Variants in PLCH2 observed in about 807,000 individuals in gnomAD.
The protein encoded by PLCH2 is phospholipase C eta 2, also known as 1-phosphatidylinositol 4,5-bisphosphate phosphodiesterase eta-2.
Under a neutral mutation model 134.7 loss-of-function variants are expected in PLCH2, and 98 were observed. The ratio of observed to expected loss-of-function variants is 0.73; its 90% CI spans 0.62 to 0.86. The LOEUF is 0.86. Among genes scored for constraint, PLCH2 ranks in the 40% least tolerant of loss-of-function variants. PLCH2 has a pLI of 0.00. For synonymous variants in PLCH2, 974 were observed against 827.5 expected, an observed-to-expected ratio of 1.18 and a Z score of -3.04; for missense variants, 1,994 against 1,986.6, an observed-to-expected ratio of 1.00 and a Z score of -0.07.
At chr1:2,438,059 T>C (rs4592207) in intron 2 of PLCH2, among the ~76,000 whole-genome samples, 64,514 of 152,128 alleles carry the variant, frequency 0.42, 14,399 homozygotes, top group East Asian at 0.75. Flanking sequence ...TCTTGGCAAC[T>C]TGGTTGTGTG....
intron 21 of PLCH2, chr1:2,503,529 TA>T (rs1298003290): frequency 2.9e-6 from 2 of 681,708 alleles, no homozygotes. Flanking sequence ...GGGAGGGACA[TA>T]CACGGAGCCC....
chr1:2,447,491 G>A (rs1350117580), intron 2 of PLCH2, among the ~76,000 whole-genome samples: 8 of 152,218 alleles, frequency 5.3e-5, no homozygotes, highest in Admixed American at 5.2e-4. Flanking sequence ...CATGCATAGT[G>A]GGTGGAGATT....
chr1:2,504,759 C>G lies in PLCH2; in HGVS notation c.3797C>G (p.Ala1266Gly), dbSNP rs765249318. 6.2e-7 allele frequency: 1 copy of G among 1,612,444 alleles called. No individual in the cohort carries two copies. The highest frequency in any genetic ancestry group is 8.5e-7 in the Non-Finnish European group (1 of 1,179,778). ...GGCGACCTCACTGCTGATGACTTTGCCCCTAGCTTTGAGGGCGGCTCCCGC... is the reference window on the plus strand; with the variant it reads ...GGCGACCTCACTGCTGATGACTTTGGCCCTAGCTTTGAGGGCGGCTCCCGC... ...SLGDLTADDF[A>G]PSFEGGSRRL... The change falls in exon 22 of 22, where the codon GCC becomes GGC. Residue 1266 changes from alanine (A) to glycine (G), a missense_variant. Around this residue, in one of 2 missense-constraint regions of PLCH2, gnomAD observed 900 missense variants for 752.3 expected, o/e 1.20. Coordinates refer to ENST00000378486, the MANE Select transcript of PLCH2 (RefSeq NM_014638.4).
At position 2,459,464 on chromosome 1, in the gene PLCH2, T is replaced by TCC. The variant is rs1557969678; in HGVS notation, c.116-19012_116-19011insCC. Among the ~76,000 whole-genome samples, 5 of 61,724 alleles carry TCC rather than the reference T, an allele frequency of 8.1e-5. 1 individual carries two copies. The highest frequency in any genetic ancestry group is 8.9e-4 in the South Asian group (1 of 1,126). The allele number at this position is 61,724 out of a possible 152,430, so 40.5% of individuals were successfully genotyped here. A position where few individuals can be genotyped will look rare whatever the true frequency, so the allele number is the denominator to read the frequency against. Reference sequence around the variant, plus strand: ...TGCCGGTGGTCCTCCTTCCTGGTGGTTCTCCTTCCTGGTGGTCCTCCTTCC... The same window carrying TCC: ...TGCCGGTGGTCCTCCTTCCTGGTGGTCCTCTCCTTCCTGGTGGTCCTCCTTCC... On this transcript the variant is annotated intron_variant, in intron 2 of 3. Transcript: ENST00000609981.
At chr1:2,455,712 G>C (rs571710656) in intron 2 of PLCH2, among the ~76,000 whole-genome samples, 2 of 152,300 alleles carry the variant, frequency 1.3e-5, no homozygotes, top group South Asian at 4.1e-4. Flanking sequence ...ATGGAGGCGG[G>C]AGGCTCCCAG....
At position 2,499,623 on chromosome 1, in the gene PLCH2, T is replaced by C. The variant is rs373626133; in HGVS notation, c.2582-18T>C. ...GGAGGCTGTGACCTCATGACCCTGCTGACCCACACTGCTCCAGGCTACAGA... is the reference window on the plus strand; with the variant it reads ...GGAGGCTGTGACCTCATGACCCTGCCGACCCACACTGCTCCAGGCTACAGA... On this transcript the variant is annotated intron_variant, in intron 19 of 21. Transcript: ENST00000378486. 84 of 1,584,252 alleles carry C rather than the reference T, an allele frequency of 5.3e-5. No homozygotes were observed. The highest frequency in any genetic ancestry group is 6.8e-5 in the Non-Finnish European group (79 of 1,163,598).
At chr1:2,445,663 T>G (rs1639907933) in intron 2 of PLCH2, among the ~76,000 whole-genome samples, 1 of 151,780 alleles carries the variant, frequency 6.6e-6, no homozygotes, top group Non-Finnish European at 1.5e-5. Context: ...GAGGAGCTGG[T>G]GGGCAGGAGA....
intron 2 of PLCH2, among the ~76,000 whole-genome samples, chr1:2,451,310 G>T (rs142053034): frequency 1.7e-3 from 252 of 152,324 alleles, no homozygotes; most frequent in African/African-American, 5.7e-3. Context: ...GTGCCTCCCC[G>T]GCCCCCGAAG....
rs1170003204 is a variant in PLCH2 at position 2,489,435 on chromosome 1, A to G, written c.1407+57A>G. ...TCACACAGAGTCTCGGGCCTGCAGCAGTGCCCTGCTCCAGACAGGCAGGGG... is the reference window on the plus strand; with the variant it reads ...TCACACAGAGTCTCGGGCCTGCAGCGGTGCCCTGCTCCAGACAGGCAGGGG... On this transcript the variant is annotated intron_variant, in intron 9 of 21. Coordinates refer to ENST00000378486, the MANE Select transcript of PLCH2 (RefSeq NM_014638.4). The G allele has an allele frequency of 2.6e-6, 4 of 1,565,330 alleles. No homozygotes were observed. In the African/African-American group the frequency reaches 5.4e-5, roughly 21 times the overall value.
chr1:2,447,322 CCTT>C (rs1639988231), intron 2 of PLCH2, among the ~76,000 whole-genome samples: 1 of 152,190 alleles, frequency 6.6e-6, no homozygotes. Context: ...GCCTTCAGCT[CCTT>C]CTCCCGGATC....
chr1:2,462,378 A>C (rs934159046), intron 2 of PLCH2, among the ~76,000 whole-genome samples: 1 of 27,238 alleles, frequency 3.7e-5, no homozygotes, highest in Non-Finnish European at 6.9e-5. Flanking sequence ...CACCGCCTCC[A>C]CCTGACACCC....
chr1:2,489,709 C>T lies in PLCH2; in HGVS notation c.1408-51C>T, dbSNP rs1489360237. 2.1e-6 allele frequency: 3 copies of T among 1,431,980 alleles called. No individual in the cohort carries two copies. The African/African-American group carries it at 4.2e-5, about 20-fold the overall frequency. The allele number at this position is 1,431,980 out of a possible 1,614,324, so 88.7% of individuals were successfully genotyped here. ...GCTCTTTGTGGGTGCCAGGTACTGG[C>T]TTCCCAGCATTTTCTCCAGGGCCCC... On this transcript the variant is annotated intron_variant, in intron 9 of 21. Coordinates refer to ENST00000378486, the MANE Select transcript of PLCH2 (RefSeq NM_014638.4).
upstream of PLCH2, among the ~76,000 whole-genome samples, chr1:2,422,018 C>T (rs189465737): frequency 3.6e-4 from 54 of 152,036 alleles, no homozygotes; most frequent in East Asian, 9.7e-3. Context: ...CGCCTGTAAT[C>T]CCAGCACTTT....
At chr1:2,443,056 C>A (rs1426130069) in intron 2 of PLCH2, among the ~76,000 whole-genome samples, 6 of 152,162 alleles carry the variant, frequency 3.9e-5, no homozygotes, top group Non-Finnish European at 8.8e-5. Context: ...GAAGAGTTGA[C>A]TGGTGTGGGG....
In PLCH2 at chr1:2,502,230, G is replaced by A. The variant is rs1037105026; in HGVS notation, c.2780G>A (p.Arg927Gln). The A allele has an allele frequency of 1.8e-5, 27 of 1,541,172 alleles. No individual in the cohort carries two copies. The highest frequency in any genetic ancestry group is 7.9e-5 in the Admixed American group (4 of 50,662). Residue 927 changes from arginine (R) to glutamine (Q), a missense_variant, in exon 21 of 22, where the codon CGG (arginine) becomes CAG (glutamine). By Grantham distance (43) the Arg-to-Gln change is conservative (BLOSUM62 1). Transcript: ENST00000378486. The stretch of plus-strand genomic sequence containing the variant: ...CCCTCCGTTAGCCAGCGGATCCTGC[G>A]GCGCACGGCCAGCGCCCCGACCAAG... ...ARPSVSQRIL[R>Q]RTASAPTKSQ...
At chr1:2,487,437 A>C in intron 7 of PLCH2, 61 bp downstream of exon 7, 1 of 1,508,812 alleles carries the variant, frequency 6.6e-7, no homozygotes, top group South Asian at 1.2e-5. Flanking sequence ...GATGGGCTGC[A>C]CCTGAGGAGC....
Position 2,484,561 on chromosome 1 carries a change from C to A in PLCH2, c.759C>A (p.Asn253Lys). Residue 253 changes from asparagine to lysine, a missense_variant, in exon 5 of 22, where the codon AAC becomes AAA. By Grantham distance (94) the Asn-to-Lys change is moderately conservative (BLOSUM62 0). Around this residue, in one of 2 missense-constraint regions of PLCH2, gnomAD observed 1,094 missense variants for 1,234.3 expected, o/e 0.89. Transcript: ENST00000378486. ...ACCTGCTCATGCTGACCTACAGCAACCACAAGGACCACCTGGATGCCGCCA... is the reference window on the plus strand; with the variant it reads ...ACCTGCTCATGCTGACCTACAGCAAACACAAGGACCACCTGGATGCCGCCA... The part of the protein sequence containing the change: ...DLYLLMLTYS[N>K]HKDHLDAASL... 1 of 1,613,186 alleles carries A rather than the reference C, an allele frequency of 6.2e-7. No individual in the cohort carries two copies. The highest frequency in any genetic ancestry group is 8.5e-7 in the Non-Finnish European group (1 of 1,179,814).
At chr1:2,495,631 C>T (rs1426985790) in intron 13 of PLCH2, 61 bp downstream of exon 13, 11 of 1,275,130 alleles carry the variant, frequency 8.6e-6, no homozygotes, top group Non-Finnish European at 1.2e-5. Flanking sequence ...CCAACCGGGC[C>T]CTTCTCTGCG....
chr1:2,420,679 C>T, the PLCH2 span, among the ~76,000 whole-genome samples: 1 of 152,160 alleles, frequency 6.6e-6, no homozygotes, highest in African/African-American at 2.4e-5. Context: ...TGACCTCTGA[C>T]CCAGAGACCC....
Sources: allele counts gnomAD v4.1 joint callset (sites outside exome capture counted in the v4.1 genomes callset), GRCh38; gene constraint gnomAD v4.1.1; regional missense constraint gnomAD v4.1.1; transcripts MANE v1.5; gene names NCBI Gene and HGNC (gene_info 2026-07-23, HGNC 2026-07-21).